Variants in CDH18 observed in about 807,000 individuals in gnomAD.
CDH18 encodes the protein cadherin-18.
CDH18 carries 31 observed loss-of-function variants against 67.9 expected under a neutral mutation model. That is an observed-to-expected ratio of 0.46 (90% CI 0.34 to 0.62). The LOEUF is 0.62. Among genes scored for constraint, CDH18 ranks in the 20% least tolerant of loss-of-function variants. The pLI is 0.01. For missense variants in CDH18, 890 were observed against 975.5 expected, an observed-to-expected ratio of 0.91 and a Z score of 1.17; for synonymous variants, 362 against 347.2, an observed-to-expected ratio of 1.04 and a Z score of -0.48.
chr5:20,533,576 C>T (rs533685710), intron 1 of CDH18, among the ~76,000 whole-genome samples: 1 of 152,052 alleles, frequency 6.6e-6, no homozygotes, highest in African/African-American at 2.4e-5. Context: ...AAAGTTGTTA[C>T]TTCATTGAAG....
At chr5:20,178,489 C>A (rs6892813) in intron 2 of CDH18, among the ~76,000 whole-genome samples, 8,258 of 150,028 alleles carry the variant, frequency 0.055, 759 homozygotes, top group African/African-American at 0.19. Flanking sequence ...AGCTTCTTTT[C>A]AGTTCTAATT....
At chr5:19,535,552 C>T (rs1318513090) in intron 9 of CDH18, among the ~76,000 whole-genome samples, 1 of 152,164 alleles carries the variant, frequency 6.6e-6, no homozygotes, top group African/African-American at 2.4e-5. Flanking sequence ...GGAATACACT[C>T]ACAAACACTA....
At chr5:19,963,319 T>G (rs2150311501) in intron 2 of CDH18, among the ~76,000 whole-genome samples, 1 of 152,248 alleles carries the variant, frequency 6.6e-6, no homozygotes, top group African/African-American at 2.4e-5. Context: ...GAAATATGTA[T>G]TATTCTGCTC....
intron 2 of CDH18, among the ~76,000 whole-genome samples, chr5:20,012,596 C>T (rs1737546933): frequency 6.6e-6 from 1 of 151,976 alleles, no homozygotes; most frequent in Admixed American, 6.6e-5. Flanking sequence ...GAACTAAATA[C>T]AAACCACTGC....
At chr5:19,539,914 C>G (rs1057186014) in intron 9 of CDH18, among the ~76,000 whole-genome samples, 1 of 152,098 alleles carries the variant, frequency 6.6e-6, no homozygotes, top group African/African-American at 2.4e-5. Flanking sequence ...CTGGCCCCTC[C>G]CACAACTCAT....
chr5:20,324,134 C>T lies in CDH18; in HGVS notation c.-579-68629G>A, dbSNP rs1738308817. 2.6e-5 allele frequency among the ~76,000 whole-genome samples: 4 copies of T among 152,314 alleles called. 1 individual carries two copies. In the South Asian group the frequency reaches 8.3e-4, roughly 32 times the overall value. ...ATTTAAAAGGGAAGACCCAACCCAC[C>T]ACCACTCAATGTGTAACACACTGGA... On this transcript the variant is annotated intron_variant, in intron 1 of 14. Coordinates refer to the CDH18 transcript ENST00000507958.
intron 1 of CDH18, among the ~76,000 whole-genome samples, chr5:20,314,722 C>T (rs138869224): frequency 6.6e-6 from 1 of 152,166 alleles, no homozygotes; most frequent in East Asian, 1.9e-4. Context: ...GTATACACAT[C>T]ATAAATTCTT....
chr5:19,937,041 AAGTT>A lies in CDH18; in HGVS notation c.-257+44015_-257+44018del, dbSNP rs529972032. ...ACACTCATATGTTACTATAAATTAA[AAGTT>A]AGAGCAATTTTTTGAAAACCAATGT... On this transcript the variant is annotated intron_variant, in intron 2 of 12. Transcript: ENST00000382275. Among the ~76,000 whole-genome samples the A allele has an allele frequency of 4.6e-5, 7 of 151,444 alleles. No individual in the cohort carries two copies. In the South Asian group the frequency reaches 8.3e-4, roughly 18 times the overall value.
chr5:19,891,206 G>A (rs532113616), intron 2 of CDH18, among the ~76,000 whole-genome samples: 41 of 152,046 alleles, frequency 2.7e-4, no homozygotes, highest in Middle Eastern at 6.8e-3. Flanking sequence ...TTTCTATCTC[G>A]TTCAAGTGAC....
chr5:19,772,438 A>T (rs905946441), intron 3 of CDH18, among the ~76,000 whole-genome samples: 15 of 152,120 alleles, frequency 9.9e-5, no homozygotes, highest in Non-Finnish European at 1.9e-4. Context: ...AGAGTTGAAG[A>T]TGTTATAATA....
chr5:19,939,577 C>T (rs2150226767), intron 2 of CDH18, among the ~76,000 whole-genome samples: 1 of 151,816 alleles, frequency 6.6e-6, no homozygotes, highest in East Asian at 1.9e-4. Context: ...AATTTTCTGT[C>T]TTAATTATAT....
intron 2 of CDH18, among the ~76,000 whole-genome samples, chr5:19,941,524 G>A (rs1452080238): frequency 2.0e-5 from 3 of 151,948 alleles, no homozygotes; most frequent in East Asian, 1.9e-4. Flanking sequence ...GCTCATGTCC[G>A]TAATCCCAGA....
chr5:19,520,737 C>T lies in CDH18; in HGVS notation c.1432G>A (p.Val478Ile), dbSNP rs1746767407. Reference sequence around the variant, plus strand: ...GGTGGATTGTCATTGACATCCAGAACTCTAATACCCACTGTGACATGGCTC... The same window carrying T: ...GGTGGATTGTCATTGACATCCAGAATTCTAATACCCACTGTGACATGGCTC... ...LLSHVTVGIR[V>I]LDVNDNPPEL... The change falls in exon 10 of 13, where the codon GTT becomes ATT. Residue 478 changes from valine (V) to isoleucine (I), a missense_variant. Physicochemically the swap from Val to Ile is conservative, Grantham distance 29 (BLOSUM62 3). Around this residue, in one of 2 missense-constraint regions of CDH18, gnomAD observed 656 missense variants for 668.1 expected, o/e 0.98. Transcript: ENST00000382275. 2 of 1,613,166 alleles carry T rather than the reference C, an allele frequency of 1.2e-6. No homozygotes were observed. The highest frequency in any genetic ancestry group is 2.7e-5 in the African/African-American group (2 of 74,872).
intron 2 of CDH18, among the ~76,000 whole-genome samples, chr5:20,138,858 A>G (rs1373220960): frequency 6.6e-6 from 1 of 152,234 alleles, no homozygotes; most frequent in East Asian, 1.9e-4. Context: ...ATGGACAGGA[A>G]GAATCAATAT....
chr5:19,521,240 G>A (rs917436093), intron 9 of CDH18, among the ~76,000 whole-genome samples: 10 of 152,016 alleles, frequency 6.6e-5, no homozygotes, highest in African/African-American at 2.4e-4. Flanking sequence ...TTTTCTTATG[G>A]CAGAATATAT....
chr5:19,985,067 T>C (rs1187062202), intron 1 of CDH18, among the ~76,000 whole-genome samples: 1 of 152,130 alleles, frequency 6.6e-6, no homozygotes, highest in Non-Finnish European at 1.5e-5. Context: ...TGAAGAAAAT[T>C]AAAGTGAAAT....
intron 1 of CDH18, among the ~76,000 whole-genome samples, chr5:20,328,890 A>G (rs1738883476): frequency 6.6e-6 from 1 of 152,034 alleles, no homozygotes; most frequent in African/African-American, 2.4e-5. Flanking sequence ...ATGAGGGGGT[A>G]GGATCACCTG....
In CDH18 at chr5:19,594,082, T is replaced by C. The variant is rs957884800; in HGVS notation, c.812-2838A>G. On this transcript the variant is annotated intron_variant, in intron 6 of 12. Coordinates refer to ENST00000382275, the MANE Select transcript of CDH18 (RefSeq NM_004934.5). Reference sequence around the variant, plus strand: ...TCCAGTTTGAATTAGTGTTTGTGTATGATATACAAAAAGAAGCCATTTTCA... The same window carrying C: ...TCCAGTTTGAATTAGTGTTTGTGTACGATATACAAAAAGAAGCCATTTTCA... Among the ~76,000 whole-genome samples the C allele has an allele frequency of 1.7e-4, 26 of 152,224 alleles. No homozygotes were observed. The East Asian group carries it at 5.0e-3, about 29-fold the overall frequency.
chr5:20,245,345 C>T (rs547366912), intron 2 of CDH18, among the ~76,000 whole-genome samples: 1 of 152,006 alleles, frequency 6.6e-6, no homozygotes, highest in East Asian at 1.9e-4. Context: ...AATCCAAGAA[C>T]AAATATTATG....
Sources: allele counts gnomAD v4.1 joint callset (sites outside exome capture counted in the v4.1 genomes callset), GRCh38; gene constraint gnomAD v4.1.1; regional missense constraint gnomAD v4.1.1; transcripts MANE v1.5; gene names NCBI Gene and HGNC (gene_info 2026-07-23, HGNC 2026-07-21).